LRBA: variants seen among roughly 807,000 people sequenced by gnomAD.
LRBA encodes the protein LPS responsive beige-like anchor protein.
In LRBA, 176 loss-of-function variants were observed where a neutral mutation model predicts 330.0. The observed-to-expected ratio is 0.53, with a 90% CI of 0.47 to 0.60. The LOEUF (loss-of-function observed/expected upper bound fraction) is 0.60, where lower values mean the gene tolerates loss of function less well. Among genes scored for constraint, LRBA ranks in the 20% least tolerant of loss-of-function variants. The pLI is 0.00. For missense variants in LRBA, 3,259 were observed against 3,444.8 expected, an observed-to-expected ratio of 0.95 and a Z score of 1.35; for synonymous variants, 1,230 against 1,193.0, an observed-to-expected ratio of 1.03 and a Z score of -0.64.
chr4:150,950,939 G>GT (rs1162050892), intron 2 of LRBA, among the ~76,000 whole-genome samples: 6 of 152,084 alleles, frequency 3.9e-5, no homozygotes, highest in Admixed American at 2.6e-4. Context: ...TACCAAGACT[G>GT]TTTTTTAATT....
At chr4:150,507,246 T>C (rs1267905954) in intron 40 of LRBA, among the ~76,000 whole-genome samples, 18 of 151,220 alleles carry the variant, frequency 1.2e-4, no homozygotes, top group Non-Finnish European at 1.8e-4. Flanking sequence ...TCATATGGAA[T>C]CAAAAAAGAG....
chr4:150,450,239 T>C (rs1332164773), intron 44 of LRBA, among the ~76,000 whole-genome samples: 2 of 152,178 alleles, frequency 1.3e-5, no homozygotes, highest in African/African-American at 4.8e-5. Context: ...AAAATAACAA[T>C]TTGAAGAGTG....
At chr4:150,718,594 G>A (rs2127069688) in intron 36 of LRBA, among the ~76,000 whole-genome samples, 1 of 152,110 alleles carries the variant, frequency 6.6e-6, no homozygotes, top group East Asian at 1.9e-4. Flanking sequence ...ATATACGTTT[G>A]CTCTCTTAAA....
intron 47 of LRBA, among the ~76,000 whole-genome samples, chr4:150,357,351 T>C (rs1738000604): frequency 6.6e-6 from 1 of 152,014 alleles, no homozygotes; most frequent in Non-Finnish European, 1.5e-5. Flanking sequence ...CTGAAGGCCA[T>C]GTTTCCTTTG....
chr4:150,841,290 T>A (rs75762825), intron 28 of LRBA, among the ~76,000 whole-genome samples: 2,195 of 152,330 alleles, frequency 0.014, 55 homozygotes, highest in African/African-American at 0.049. Flanking sequence ...GTTTACTAAC[T>A]ACCACATGAA....
intron 36 of LRBA, among the ~76,000 whole-genome samples, chr4:150,719,590 A>G (rs568554834): frequency 6.6e-6 from 1 of 152,172 alleles, no homozygotes; most frequent in Non-Finnish European, 1.5e-5. Flanking sequence ...CAAGGGGAAC[A>G]AAAACAAACT....
intron 16 of LRBA, among the ~76,000 whole-genome samples, chr4:150,893,368 G>A (rs928904057): frequency 4.6e-5 from 7 of 151,886 alleles, no homozygotes; most frequent in African/African-American, 1.5e-4. Context: ...TTTTGTGCGG[G>A]GGGGCAGAGT....
Position 150,805,536 on chromosome 4 carries a change from AAGGGAGAAGG to A in LRBA, c.5518+725_5518+734del, listed in dbSNP as rs1560842394. Among the ~76,000 whole-genome samples, 104 of 124,582 alleles carry A rather than the reference AAGGGAGAAGG, an allele frequency of 8.3e-4. 1 individual carries two copies. The highest frequency in any genetic ancestry group is 3.0e-3 in the African/African-American group (90 of 29,832). 81.7% of individuals were successfully genotyped at this position (124,582 alleles called of 152,430 possible). ...AAGGAAAGGAAAAGGAAAGGAAAGGAAGGGAGAAGGAAAGGAAAGGAAAGGAAAGGAAAGG... is the reference window on the plus strand; with the variant it reads ...AAGGAAAGGAAAAGGAAAGGAAAGGAAAAGGAAAGGAAAGGAAAGGAAAGG... On this transcript the variant is annotated intron_variant, in intron 33 of 56. Coordinates refer to ENST00000651943, the MANE Select transcript of LRBA (RefSeq NM_001364905.1).
intron 48 of LRBA, among the ~76,000 whole-genome samples, chr4:150,346,757 C>CAAAAAAAAAAAAAAAAAAAAAAA (rs57119340): frequency 1.5e-5 from 1 of 66,152 alleles, no homozygotes; most frequent in African/African-American, 7.8e-5. Context: ...GACTCTGTCT[C>CAAAAAAAAAAAAAAAAAAAAAAA]AAAAAAAAAA....
chr4:150,709,232 C>G (rs1785942642), intron 36 of LRBA, among the ~76,000 whole-genome samples: 1 of 151,830 alleles, frequency 6.6e-6, no homozygotes, highest in Non-Finnish European at 1.5e-5. Flanking sequence ...TTCCTTCTAT[C>G]ACATTGTAAC....
At chr4:150,990,348 A>G (rs532432929) in intron 2 of LRBA, among the ~76,000 whole-genome samples, 1 of 152,354 alleles carries the variant, frequency 6.6e-6, no homozygotes, top group East Asian at 1.9e-4. Flanking sequence ...TTTATCATCC[A>G]GAAGAATTTA....
chr4:150,921,116 T>C, intron 5 of LRBA, 82 bp downstream of exon 5: 1 of 850,206 alleles, frequency 1.2e-6, no homozygotes, highest in South Asian at 1.4e-5. Context: ...ACAGAACCTG[T>C]CAGGGGTGTT....
intron 44 of LRBA, among the ~76,000 whole-genome samples, chr4:150,446,266 T>C (rs1393913511): frequency 6.6e-6 from 1 of 152,188 alleles, no homozygotes; most frequent in Non-Finnish European, 1.5e-5. Flanking sequence ...TTTAAAACTA[T>C]AGTGTACTTC....
chr4:150,771,594 C>A (rs1195560915), intron 34 of LRBA, among the ~76,000 whole-genome samples: 1 of 152,120 alleles, frequency 6.6e-6, no homozygotes, highest in Non-Finnish European at 1.5e-5. Flanking sequence ...GAACAAAATG[C>A]TGCCCCTTCT....
intron 48 of LRBA, among the ~76,000 whole-genome samples, chr4:150,328,732 A>G (rs1733614648): frequency 6.6e-6 from 1 of 151,546 alleles, no homozygotes. Context: ...GAAGACAGAG[A>G]GAGGGCAGTC....
At position 150,278,740 on chromosome 4, in the gene LRBA, A is replaced by ATTGT. The variant is rs1553988422; in HGVS notation, c.8317-740_8317-737dup. 2.6e-5 allele frequency among the ~76,000 whole-genome samples: 4 copies of ATTGT among 152,128 alleles called. 1 individual carries two copies. Among genetic ancestry groups the ATTGT allele is most frequent in the South Asian group, 4.2e-4 (2 of 4,818 alleles). On this transcript the variant is annotated intron_variant, in intron 55 of 56. Coordinates refer to ENST00000651943, the MANE Select transcript of LRBA (RefSeq NM_001364905.1). Reference sequence around the variant, plus strand: ...TGCAGCCCACTGCCTGTTTCATATAATTGTTTAACATTTTTTAATGCTTGA... The same window carrying ATTGT: ...TGCAGCCCACTGCCTGTTTCATATAATTGTTTGTTTAACATTTTTTAATGCTTGA...
chr4:150,724,457 C>A (rs887887702), intron 36 of LRBA, among the ~76,000 whole-genome samples: 1 of 152,128 alleles, frequency 6.6e-6, no homozygotes, highest in Non-Finnish European at 1.5e-5. Context: ...CCAAGGACAA[C>A]AGTCACAAAC....
intron 2 of LRBA, among the ~76,000 whole-genome samples, chr4:150,985,954 A>G (rs778959017): frequency 6.6e-6 from 1 of 152,198 alleles, no homozygotes; most frequent in Non-Finnish European, 1.5e-5. Flanking sequence ...TATTTAATAC[A>G]TATTATAACT....
chr4:150,575,467 T>C (rs925090817), intron 40 of LRBA, among the ~76,000 whole-genome samples: 2 of 151,920 alleles, frequency 1.3e-5, no homozygotes, highest in African/African-American at 4.8e-5. Flanking sequence ...TTCATAATAA[T>C]ATAGAGTGCT....
Sources: gnomAD v4.1 joint callset for allele counts (sites outside exome capture counted in the v4.1 genomes callset) on GRCh38, gnomAD v4.1.1 for gene constraint, MANE v1.5 for transcripts, NCBI Gene and HGNC (gene_info 2026-07-23, HGNC 2026-07-21) for gene names.